NRXN3: variants seen among roughly 807,000 people sequenced by gnomAD.
NRXN3 encodes neurexin 3, also known as neurexin III.
A neutral mutation model predicts 137.6 loss-of-function variants in NRXN3; 32 were observed. The ratio of observed to expected loss-of-function variants is 0.23; its 90% CI spans 0.18 to 0.31. NRXN3 has a LOEUF of 0.31. NRXN3 is among the 10% of genes least tolerant of loss of function. NRXN3 has a pLI of 1.00. For synonymous variants in NRXN3, 798 were observed against 784.5 expected (o/e 1.02, Z -0.29); for missense variants, 1,574 against 2,062.5 (o/e 0.76, Z 4.59).
chr14:78,307,191 A>G (rs1314481323), intron 4 of NRXN3, among the ~76,000 whole-genome samples: 1 of 140,810 alleles, frequency 7.1e-6, no homozygotes, highest in Non-Finnish European at 1.5e-5. Flanking sequence ...TCTTAAGCAT[A>G]CAGCTTAAAG....
intron 4 of NRXN3, among the ~76,000 whole-genome samples, chr14:78,512,170 C>T (rs56669111): frequency 0.022 from 3,372 of 152,164 alleles, 118 homozygotes; most frequent in African/African-American, 0.074. Context: ...CCACCTCAGC[C>T]GACTTTGAGT....
chr14:78,969,296 C>T (rs111435113), intron 14 of NRXN3, among the ~76,000 whole-genome samples: 76 of 152,272 alleles, frequency 5.0e-4, no homozygotes, highest in African/African-American at 1.7e-3. Context: ...GCAGTGTAAA[C>T]AATCTAGTTT....
intron 15 of NRXN3, among the ~76,000 whole-genome samples, chr14:79,231,885 G>A (rs1183170402): frequency 6.6e-6 from 1 of 152,052 alleles, no homozygotes; most frequent in African/African-American, 2.4e-5. Context: ...AACTGGTGAT[G>A]GTAGGGTGAG....
chr14:78,779,877 A>T (rs1375734012), intron 8 of NRXN3, among the ~76,000 whole-genome samples: 1 of 152,190 alleles, frequency 6.6e-6, no homozygotes, highest in Non-Finnish European at 1.5e-5. Flanking sequence ...GAAGATGCCA[A>T]TTTTTTCTAA....
chr14:78,170,790 C>A (rs2058645986), intron 1 of NRXN3, 116 bp downstream of exon 1: 1 of 152,138 alleles, frequency 6.6e-6, no homozygotes, highest in South Asian at 2.1e-4. Flanking sequence ...GAGCAACCAA[C>A]CTAGATTTTC....
At chr14:78,438,482 G>C (rs2094141523) in intron 4 of NRXN3, among the ~76,000 whole-genome samples, 1 of 152,154 alleles carries the variant, frequency 6.6e-6, no homozygotes, top group Non-Finnish European at 1.5e-5. Flanking sequence ...GTAGTGGCCT[G>C]GTATAAGAGA....
At chr14:78,433,011 G>A (rs1232910730) in intron 4 of NRXN3, among the ~76,000 whole-genome samples, 1 of 152,202 alleles carries the variant, frequency 6.6e-6, no homozygotes, top group Admixed American at 6.5e-5. Flanking sequence ...CGGTTCTGTA[G>A]GTCAGAAGCA....
At chr14:78,302,649 A>G (rs2076988826) in intron 4 of NRXN3, among the ~76,000 whole-genome samples, 1 of 152,190 alleles carries the variant, frequency 6.6e-6, no homozygotes, top group Admixed American at 6.5e-5. Flanking sequence ...TAAGGGAGGC[A>G]CTTCAGTGGG....
chr14:79,007,730 C>T (rs1016354828), intron 15 of NRXN3, among the ~76,000 whole-genome samples: 4 of 142,442 alleles, frequency 2.8e-5, no homozygotes, highest in Admixed American at 7.5e-5. Context: ...GGCGTGAACC[C>T]GGGAGGCAGA....
chr14:79,051,073 A>T (rs1269733814), intron 15 of NRXN3, among the ~76,000 whole-genome samples: 3 of 152,190 alleles, frequency 2.0e-5, no homozygotes, highest in African/African-American at 7.2e-5. Flanking sequence ...ACACATAGGG[A>T]GGTTTAAAAC....
At chr14:79,528,359 T>C (rs2097140432) in intron 16 of NRXN3, among the ~76,000 whole-genome samples, 1 of 152,172 alleles carries the variant, frequency 6.6e-6, no homozygotes. Context: ...ATAAACACCA[T>C]CACATACTTC....
At chr14:78,842,557 C>G (rs949873858) in intron 10 of NRXN3, among the ~76,000 whole-genome samples, 2 of 152,070 alleles carry the variant, frequency 1.3e-5, no homozygotes, top group African/African-American at 4.8e-5. Context: ...AAGTTTCAGG[C>G]ACGCATTGTC....
rs187133140 is a variant in NRXN3 at position 78,632,962 on chromosome 14, G to A, written c.758-12158G>A. ...AAAGACTGGTAATAGTCGGCTGGGC[G>A]TAGTGGCTCACGCATGTAATCCCAG... On this transcript the variant is annotated intron_variant, in intron 4 of 20. Coordinates refer to ENST00000335750, the MANE Select transcript of NRXN3 (RefSeq NM_001330195.2). Among the ~76,000 whole-genome samples the A allele has an allele frequency of 8.9e-3, 1,351 of 152,104 alleles. 4 individuals are homozygous for A. Among genetic ancestry groups the A allele is most frequent in the Non-Finnish European group, 0.015 (989 of 67,976 alleles).
chr14:78,913,246 TTTTC>T (rs1277509308), intron 10 of NRXN3, among the ~76,000 whole-genome samples: 5,400 of 112,360 alleles, frequency 0.048, 456 homozygotes, highest in African/African-American at 0.1. Context: ...TTTTCCTTTC[TTTTC>T]TTTCTTTCTT....
intron 16 of NRXN3, among the ~76,000 whole-genome samples, chr14:79,545,874 C>T (rs1567456852): frequency 6.6e-6 from 1 of 152,038 alleles, no homozygotes; most frequent in Non-Finnish European, 1.5e-5. Context: ...TATGGTTTGG[C>T]TGTGTCCCCA....
chr14:78,777,425 G>T lies in NRXN3; in HGVS notation c.2045-26195G>T, dbSNP rs186174581. On this transcript the variant is annotated intron_variant, in intron 8 of 20. Transcript: ENST00000335750. ...GTCAGTCTATATTCCCATGTGGTGGGTCCATCTTGATTCCTCTGTTTTATC... is the reference window on the plus strand; with the variant it reads ...GTCAGTCTATATTCCCATGTGGTGGTTCCATCTTGATTCCTCTGTTTTATC... Among the ~76,000 whole-genome samples the T allele has an allele frequency of 2.6e-5, 4 of 152,188 alleles. No individual in the cohort carries two copies. The East Asian group carries it at 5.8e-4, about 22-fold the overall frequency.
chr14:79,041,694 G>A (rs2099625267), intron 15 of NRXN3, among the ~76,000 whole-genome samples: 1 of 152,146 alleles, frequency 6.6e-6, no homozygotes, highest in Non-Finnish European at 1.5e-5. Flanking sequence ...AACTTAAGCA[G>A]GAAGGTGCCA....
At chr14:79,072,972 C>A (rs1428960345) in intron 15 of NRXN3, among the ~76,000 whole-genome samples, 1 of 151,554 alleles carries the variant, frequency 6.6e-6, no homozygotes. Flanking sequence ...TGCAACCTCC[C>A]CCTCCCAGGG....
chr14:79,163,607 A>G (rs1157876676), intron 15 of NRXN3, among the ~76,000 whole-genome samples: 2 of 151,880 alleles, frequency 1.3e-5, no homozygotes, highest in Non-Finnish European at 2.9e-5. Context: ...GTTTACCCCC[A>G]TTGTAATTTA....
Sources: gnomAD v4.1 joint callset for allele counts (sites outside exome capture counted in the v4.1 genomes callset) on GRCh38, gnomAD v4.1.1 for gene constraint, MANE v1.5 for transcripts, NCBI Gene and HGNC (gene_info 2026-07-23, HGNC 2026-07-21) for gene names.